The following TTC3 variants were observed in gnomAD, a reference collection of about 807,000 sequenced individuals.
The protein encoded by TTC3 is tetratricopeptide repeat domain 3.
A neutral mutation model predicts 249.6 loss-of-function variants in TTC3; 180 were observed. The ratio of observed to expected loss-of-function variants is 0.72; its 90% confidence interval spans 0.64 to 0.82. The LOEUF (loss-of-function observed/expected upper bound fraction) is 0.82, where lower values mean the gene tolerates loss of function less well. Ranked by LOEUF, TTC3 falls within the 40% of genes least tolerant of loss-of-function variation. TTC3 has a pLI of 0.00. For synonymous variants in TTC3, 717 were observed against 805.0 expected (o/e 0.89, Z 1.85); for missense variants, 2,061 against 2,398.4 (o/e 0.86, Z 2.94).
intron 10 of TTC3, chr21:37,098,069 G>A: frequency 1.7e-6 from 1 of 605,170 alleles, no homozygotes; most frequent in Non-Finnish European, 3.0e-6. Context: ...AGGCTATCTA[G>A]ACTAGAGGAA....
At chr21:37,084,021 C>T (rs2072061503) in intron 1 of TTC3, 1 of 151,972 alleles carries the variant, frequency 6.6e-6, no homozygotes, top group Non-Finnish European at 1.5e-5. Flanking sequence ...CAAGTGAGCT[C>T]AATAAAAGGG....
intron 11 of TTC3, among the ~76,000 whole-genome samples, chr21:37,118,170 G>C (rs954247924): frequency 1.3e-5 from 2 of 151,806 alleles, no homozygotes; most frequent in Non-Finnish European, 2.9e-5. Context: ...ATAAACTTCA[G>C]GAGCAAAAGT....
chr21:37,146,402 C>G (rs923041891), intron 21 of TTC3, among the ~76,000 whole-genome samples: 3 of 152,052 alleles, frequency 2.0e-5, no homozygotes, highest in Non-Finnish European at 2.9e-5. Flanking sequence ...GCCTGTAGTC[C>G]CAGCTACTCA....
intron 18 of TTC3, among the ~76,000 whole-genome samples, chr21:37,135,828 C>T (rs917320542): frequency 1.3e-5 from 2 of 152,196 alleles, no homozygotes; most frequent in African/African-American, 2.4e-5. Context: ...AGGCACACCT[C>T]GTTTCATTAT....
chr21:37,094,869 C>T (rs1163170300), intron 8 of TTC3, among the ~76,000 whole-genome samples: 2 of 152,090 alleles, frequency 1.3e-5, no homozygotes, highest in South Asian at 2.1e-4. Flanking sequence ...CATGATGGCT[C>T]ACACCTGTAG....
intron 10 of TTC3, among the ~76,000 whole-genome samples, chr21:37,103,467 G>A (rs1234979019): frequency 6.6e-6 from 1 of 152,072 alleles, no homozygotes; most frequent in Non-Finnish European, 1.5e-5. Flanking sequence ...GGGCTGCAGT[G>A]GTCTGGATGA....
intron 35 of TTC3, among the ~76,000 whole-genome samples, chr21:37,176,022 C>G (rs1165633341): frequency 6.6e-6 from 1 of 152,106 alleles, no homozygotes; most frequent in Admixed American, 6.5e-5. Context: ...CCTCCCACCT[C>G]GGCTTCCCAA....
At chr21:37,145,213 A>C in intron 21 of TTC3, among the ~76,000 whole-genome samples, 1 of 152,246 alleles carries the variant, frequency 6.6e-6, no homozygotes, top group East Asian at 1.9e-4. Context: ...TTTTACTTGT[A>C]GTGAACTCTC....
At chr21:37,083,400 T>C in intron 1 of TTC3, 3 of 985,456 alleles carry the variant, frequency 3.0e-6, no homozygotes, top group South Asian at 9.4e-5. Flanking sequence ...ATCAGAGTTT[T>C]AGAGGATGCC....
chr21:37,176,140 A>G (rs2148126075), intron 35 of TTC3, among the ~76,000 whole-genome samples: 1 of 152,256 alleles, frequency 6.6e-6, no homozygotes, highest in East Asian at 1.9e-4. Flanking sequence ...TTGTACCCTA[A>G]CCTATGACTG....
intron 33 of TTC3, 148 bp from the exon 34 acceptor site, chr21:37,167,407 C>T: frequency 1.8e-6 from 1 of 544,220 alleles, no homozygotes; most frequent in African/African-American, 2.0e-5. Context: ...TCCTAATATA[C>T]ATGTTTACGG....
exon 46 of TTC3, chr21:37,201,728 T>A: frequency 2.1e-6 from 2 of 953,062 alleles, no homozygotes; most frequent in Non-Finnish European, 3.0e-6. Context: ...TGATATTAAG[T>A]AATTTCCCCA....
In TTC3 at chr21:37,148,736, CATA is replaced by C. The variant is rs550167370; in HGVS notation, c.2118+92_2118+94del. 1.3e-3 allele frequency: 1,038 copies of C among 782,536 alleles called. 2 individuals carry two copies. The highest frequency in any genetic ancestry group is 1.5e-3 in the Admixed American group (47 of 30,900). The allele number at this position is 782,536 out of a possible 1,614,324, so 48.5% of individuals were successfully genotyped here. On this transcript the variant is annotated intron_variant, in intron 23 of 45. Transcript: ENST00000355666. ...AGAATTCCTTCCTGAACATTCTGCA[CATA>C]ATTAGAAAATTTTAAATTATAACTT...
In TTC3 at chr21:37,160,864, G is replaced by C; in HGVS notation, c.3096+6G>C. ...AGAAGCCAAAGGATTCAAAGGTATG[G>C]AGTATTTTCTGTATTAATTCTTGTC... is the stretch of plus-strand genomic sequence containing the variant. On this transcript the variant is annotated splice_donor_region_variant and intron_variant, in intron 30 of 45. Transcript: ENST00000355666. 1 of 1,612,170 alleles carries C rather than the reference G, an allele frequency of 6.2e-7. No homozygotes were observed.
At chr21:37,158,324 T>G (rs1456963631) in intron 28 of TTC3, 2 of 517,376 alleles carry the variant, frequency 3.9e-6, no homozygotes, top group Non-Finnish European at 5.0e-6. Flanking sequence ...TAACTTGTGT[T>G]CTCTACATAT....
chr21:37,180,853 AAAATT>A (rs2082697845), intron 35 of TTC3, among the ~76,000 whole-genome samples: 2 of 151,950 alleles, frequency 1.3e-5, no homozygotes, highest in South Asian at 4.1e-4. Context: ...TAAAAAAAAA[AAAATT>A]AAATATTTAT....
chr21:37,132,765 A>T (rs759737389), exon 17 of TTC3: 1 of 1,591,280 alleles, frequency 6.3e-7, no homozygotes, highest in Non-Finnish European at 8.5e-7. Flanking sequence ...GCTGCACACC[A>T]GGTAATGGAG....
chr21:37,185,820 A>G, intron 37 of TTC3, 46 bp downstream of exon 37: 1 of 1,204,034 alleles, frequency 8.3e-7, no homozygotes, highest in Non-Finnish European at 1.1e-6. Flanking sequence ...AATACTTTTA[A>G]TGCCAGGAGT....
chr21:37,169,129 A>G (rs1028281813), intron 34 of TTC3, among the ~76,000 whole-genome samples: 4 of 152,266 alleles, frequency 2.6e-5, no homozygotes, highest in Non-Finnish European at 4.4e-5. Flanking sequence ...ACCCTGATAC[A>G]TGGTAGGAGA....
Sources: allele counts gnomAD v4.1 joint callset (sites outside exome capture counted in the v4.1 genomes callset), GRCh38; gene constraint gnomAD v4.1.1; transcripts MANE v1.5; gene names NCBI Gene and HGNC (gene_info 2026-07-23, HGNC 2026-07-21).